The following RTN4IP1 variants were observed in gnomAD, a reference collection of about 807,000 sequenced individuals.
The protein encoded by RTN4IP1 is reticulon 4 interacting protein 1, also known as NAD(P)H oxidoreductase RTN4IP1, mitochondrial.
RTN4IP1 carries 32 observed loss-of-function variants against 46.6 expected under a neutral mutation model. The ratio of observed to expected loss-of-function variants is 0.69; its 90% CI spans 0.52 to 0.92. RTN4IP1 has a LOEUF of 0.92. RTN4IP1 is among the 40% of genes least tolerant of loss of function. The pLI is 0.00. For missense variants in RTN4IP1, 424 were observed against 485.8 expected (o/e 0.87, Z 1.20); for synonymous variants, 167 against 161.8 (o/e 1.03, Z -0.24).
chr6:106,600,684 C>A lies in RTN4IP1; in HGVS notation c.669+2190G>T, dbSNP rs188026523. 9.9e-5 allele frequency among the ~76,000 whole-genome samples: 15 copies of A among 152,048 alleles called. No homozygotes were observed. The East Asian group carries it at 2.3e-3, about 24-fold the overall frequency. On this transcript the variant is annotated intron_variant, in intron 5 of 8. Coordinates refer to ENST00000369063, the MANE Select transcript of RTN4IP1 (RefSeq NM_032730.5). ...AATGGAATCATACAATATGTAGGAC[C>A]TTTTGTTTCTGGATTTTTCTCACTT...
rs1454762525 is a variant in RTN4IP1, at chr6:106,629,138, TGCA to T, written c.-120_-118del. On this transcript the variant is annotated 5_prime_UTR_variant, in exon 1 of 9. Coordinates refer to ENST00000369063, the MANE Select transcript of RTN4IP1 (RefSeq NM_032730.5). Reference sequence around the variant, plus strand: ...CACGGGCTAGTTTCAAAATTAAGCATGCAAAACGGAGCATTCGAAAATGAAGCT... The same window carrying T: ...CACGGGCTAGTTTCAAAATTAAGCATAAACGGAGCATTCGAAAATGAAGCT... 1.7e-5 allele frequency: 16 copies of T among 942,748 alleles called. No individual in the cohort carries two copies. The highest frequency in any genetic ancestry group is 2.5e-5 in the Non-Finnish European group (16 of 631,620). 58.4% of individuals were successfully genotyped at this position (942,748 alleles called of 1,614,324 possible).
chr6:106,579,551 T>C (rs796611690), intron 8 of RTN4IP1, among the ~76,000 whole-genome samples: 6 of 152,122 alleles, frequency 3.9e-5, no homozygotes, highest in African/African-American at 1.4e-4. Flanking sequence ...CTGACAATAG[T>C]GAGCACATTA....
chr6:106,596,973 A>G (rs1422061431), intron 5 of RTN4IP1, among the ~76,000 whole-genome samples: 1 of 152,136 alleles, frequency 6.6e-6, no homozygotes, highest in Admixed American at 6.5e-5. Context: ...TATTTCTCTT[A>G]TAAGTCACGT....
chr6:106,621,807 T>C (rs749221880), intron 2 of RTN4IP1, among the ~76,000 whole-genome samples: 1 of 152,202 alleles, frequency 6.6e-6, no homozygotes, highest in South Asian at 2.1e-4. Flanking sequence ...GAGACCTCTT[T>C]ATAGCTTGGC....
chr6:106,572,516 C>T (rs555223919), intron 8 of RTN4IP1: 1 of 160,340 alleles, frequency 6.2e-6, no homozygotes, highest in Non-Finnish European at 1.4e-5. Context: ...GTCAGTAAGC[C>T]CAGAAATCCT....
intron 8 of RTN4IP1, among the ~76,000 whole-genome samples, chr6:106,576,975 A>G (rs575666776): frequency 6.6e-6 from 1 of 152,346 alleles, no homozygotes; most frequent in African/African-American, 2.4e-5. Context: ...CATAAGAACT[A>G]TTCTGATGCT....
intron 8 of RTN4IP1, among the ~76,000 whole-genome samples, chr6:106,580,868 C>A (rs1005003829): frequency 2.6e-5 from 4 of 151,050 alleles, no homozygotes; most frequent in Non-Finnish European, 5.9e-5. Flanking sequence ...TTGCAAAAGA[C>A]TGAAATTAAA....
chr6:106,621,856 A>G (rs961943366), intron 2 of RTN4IP1, among the ~76,000 whole-genome samples: 2 of 152,156 alleles, frequency 1.3e-5, no homozygotes, highest in African/African-American at 4.8e-5. Flanking sequence ...TATCTACCTC[A>G]GAGGGATTAG....
intron 8 of RTN4IP1, among the ~76,000 whole-genome samples, chr6:106,574,397 C>T (rs1193963392): frequency 4.0e-5 from 6 of 151,372 alleles, no homozygotes; most frequent in Non-Finnish European, 7.4e-5. Context: ...GAACTGAGAT[C>T]GCGCCACTGC....
intron 5 of RTN4IP1, among the ~76,000 whole-genome samples, chr6:106,594,568 C>T (rs1775737682): frequency 6.6e-6 from 1 of 151,954 alleles, no homozygotes; most frequent in African/African-American, 2.4e-5. Flanking sequence ...GTGAACACCA[C>T]CCAGATAAAG....
chr6:106,580,656 T>C (rs981978672), intron 8 of RTN4IP1, among the ~76,000 whole-genome samples: 14 of 150,330 alleles, frequency 9.3e-5, no homozygotes, highest in African/African-American at 3.4e-4. Flanking sequence ...GAAGTGGAGG[T>C]TGCAGTGAGC....
intron 3 of RTN4IP1, among the ~76,000 whole-genome samples, chr6:106,619,606 AT>A (rs869120910): frequency 0.089 from 9,803 of 110,392 alleles, 131 homozygotes; most frequent in Middle Eastern, 0.1. Flanking sequence ...ACTTTTCTTC[AT>A]TTTTTTTTTT....
chr6:106,616,890 G>A (rs1776369282), intron 4 of RTN4IP1, among the ~76,000 whole-genome samples: 1 of 152,180 alleles, frequency 6.6e-6, no homozygotes, highest in African/African-American at 2.4e-5. Context: ...CTGAATGTTT[G>A]TAATGTTTGT....
intron 1 of RTN4IP1, among the ~76,000 whole-genome samples, chr6:106,627,529 A>T (rs528404547): frequency 1.3e-5 from 2 of 152,172 alleles, no homozygotes; most frequent in Non-Finnish European, 2.9e-5. Flanking sequence ...ATCTTGAAAG[A>T]ACTTACAATC....
chr6:106,589,333 A>C (rs559153370), intron 6 of RTN4IP1, among the ~76,000 whole-genome samples: 28 of 148,638 alleles, frequency 1.9e-4, no homozygotes, highest in Admixed American at 6.7e-5. Context: ...AAGAAGAGGA[A>C]GAGGAAGAAG....
rs1776748854 is a variant in RTN4IP1, at chr6:106,629,316, G to A, written c.-295C>T. 3 of 528,572 alleles carry A rather than the reference G, an allele frequency of 5.7e-6. No homozygotes were observed. The highest frequency in any genetic ancestry group is 3.4e-5 in the Admixed American group (1 of 28,992). 32.7% of individuals were successfully genotyped at this position (528,572 alleles called of 1,614,324 possible). ...CTTTAAAAAAAAAAGGGGGGGCGGG[G>A]CATTAAAAAGCAGGTGCGCAAACCC... On this transcript the variant is annotated 5_prime_UTR_variant, in exon 1 of 9. Transcript: ENST00000369063.
chr6:106,606,260 A>C (rs1223515292), intron 4 of RTN4IP1, among the ~76,000 whole-genome samples: 1 of 151,978 alleles, frequency 6.6e-6, no homozygotes, highest in Admixed American at 6.6e-5. Context: ...ATCTCTACTA[A>C]ATACAAAAAT....
At chr6:106,575,116 A>G (rs574561604) in intron 8 of RTN4IP1, among the ~76,000 whole-genome samples, 1 of 152,222 alleles carries the variant, frequency 6.6e-6, no homozygotes, top group Admixed American at 6.5e-5. Flanking sequence ...GGACAAAGGG[A>G]TCAGAGTTAA....
intron 8 of RTN4IP1, 57 bp downstream of exon 8, chr6:106,583,271 A>T: frequency 7.1e-7 from 1 of 1,406,374 alleles, no homozygotes; most frequent in South Asian, 1.2e-5. Context: ...GGGCAGGTCT[A>T]CAGGAGGTGC....
Sources: gnomAD v4.1 joint callset for allele counts (sites outside exome capture counted in the v4.1 genomes callset) on GRCh38, gnomAD v4.1.1 for gene constraint, MANE v1.5 for transcripts, NCBI Gene and HGNC (gene_info 2026-07-23, HGNC 2026-07-21) for gene names.